Variants in SFXN5 observed in about 807,000 individuals in gnomAD.
SFXN5 encodes sideroflexin-5.
Under a neutral mutation model 50.2 loss-of-function variants are expected in SFXN5, and 43 were observed. The ratio of observed to expected loss-of-function variants is 0.86; its 90% CI spans 0.67 to 1.11. The LOEUF (loss-of-function observed/expected upper bound fraction) is 1.11, where lower values mean the gene tolerates loss of function less well. Among genes scored for constraint, SFXN5 ranks in the 50% least tolerant of loss-of-function variants. The probability of loss-of-function intolerance (pLI) is 0.00; values close to 1 mark genes in which losing one functional copy is unlikely to be tolerated. For missense variants in SFXN5, 463 were observed against 454.1 expected (o/e 1.02, Z -0.18); for synonymous variants, 203 against 185.8 (o/e 1.09, Z -0.75).
In SFXN5 at chr2:72,961,534, C is replaced by T. The variant is rs907895124; in HGVS notation, c.828-286G>A. On this transcript the variant is annotated intron_variant, in intron 12 of 13. Transcript: ENST00000272433. The surrounding 1 kb of genome is among the most constrained non-coding windows in gnomAD (Gnocchi z 4.4). ...AATGAGTACTTTCGGGGCACCCACC[C>T]GCCACGCGTCCAGCCCCGTGCCAAG... is the stretch of plus-strand genomic sequence containing the variant. 1.3e-5 allele frequency among the ~76,000 whole-genome samples: 2 copies of T among 152,194 alleles called. No homozygotes were observed. The highest frequency in any genetic ancestry group is 4.8e-5 in the African/African-American group (2 of 41,452).
At chr2:73,048,483 T>G (rs1680802365) in intron 2 of SFXN5, among the ~76,000 whole-genome samples, 1 of 152,210 alleles carries the variant, frequency 6.6e-6, no homozygotes, top group African/African-American at 2.4e-5. Context: ...TCCAAAGTAT[T>G]GGGATTATAG....
intron 10 of SFXN5, among the ~76,000 whole-genome samples, chr2:72,977,840 G>A (rs1161404574): frequency 6.6e-6 from 1 of 151,964 alleles, no homozygotes; most frequent in East Asian, 1.9e-4. Flanking sequence ...CGGGCATGGT[G>A]GCACACGCCT....
intron 10 of SFXN5, among the ~76,000 whole-genome samples, chr2:72,982,228 G>T (rs1410621234): frequency 6.6e-6 from 1 of 151,844 alleles, no homozygotes; most frequent in Non-Finnish European, 1.5e-5. Flanking sequence ...GGCCTGGAAG[G>T]GTTGGATAAT....
chr2:73,010,863 T>C (rs1364882156), intron 6 of SFXN5, among the ~76,000 whole-genome samples: 1 of 152,104 alleles, frequency 6.6e-6, no homozygotes, highest in Non-Finnish European at 1.5e-5. Flanking sequence ...TGAAAACATA[T>C]CAGATATAGC....
chr2:72,994,827 G>T (rs1471957625), intron 9 of SFXN5: 1 of 152,444 alleles, frequency 6.6e-6, no homozygotes. Flanking sequence ...CTCCACTCAC[G>T]ATCACCATCA....
chr2:73,045,777 T>C (rs1439340350), intron 2 of SFXN5, among the ~76,000 whole-genome samples: 1 of 152,104 alleles, frequency 6.6e-6, no homozygotes, highest in Non-Finnish European at 1.5e-5. Flanking sequence ...GCCTTTCTCT[T>C]GTCTTCCCTC....
intron 10 of SFXN5, among the ~76,000 whole-genome samples, chr2:72,985,058 C>A (rs1671737838): frequency 6.6e-6 from 1 of 152,146 alleles, no homozygotes; most frequent in African/African-American, 2.4e-5. Context: ...GGACCCCCAT[C>A]ACCCTGAAGA....
intron 2 of SFXN5, among the ~76,000 whole-genome samples, chr2:73,052,459 CTGTATT>C (rs1245740690): frequency 6.6e-6 from 1 of 151,918 alleles, no homozygotes; most frequent in Non-Finnish European, 1.5e-5. Flanking sequence ...TTCCCCTACT[CTGTATT>C]TGTATCTCTC....
rs1226789605 is a variant in SFXN5 at position 72,961,453 on chromosome 2, CT to C, written c.828-206del. Reference sequence around the variant, plus strand: ...CCCCTATCCCAGCGGGTATAGACCCCTATCCCAATGTCTTGAAGGACGTTGC... The same window carrying C: ...CCCCTATCCCAGCGGGTATAGACCCCATCCCAATGTCTTGAAGGACGTTGC... On this transcript the variant is annotated intron_variant, in intron 12 of 13. Transcript: ENST00000272433. The surrounding 1 kb of genome is among the most constrained non-coding windows in gnomAD (Gnocchi z 4.4). Among the ~76,000 whole-genome samples the C allele has an allele frequency of 1.3e-5, 2 of 152,342 alleles. No homozygotes were observed. Among genetic ancestry groups the C allele is most frequent in the African/African-American group, 4.8e-5 (2 of 41,584 alleles).
At chr2:73,055,923 T>C (rs1030022239) in intron 2 of SFXN5, among the ~76,000 whole-genome samples, 4 of 152,188 alleles carry the variant, frequency 2.6e-5, no homozygotes, top group Admixed American at 6.5e-5. Context: ...GTGAATGTCT[T>C]GAGGCCAGGA....
At chr2:73,044,005 G>A (rs1188201626) in intron 2 of SFXN5, among the ~76,000 whole-genome samples, 1 of 152,150 alleles carries the variant, frequency 6.6e-6, no homozygotes, top group Non-Finnish European at 1.5e-5. Context: ...TCCTAGTGAT[G>A]CAGCGAGGCC....
intron 6 of SFXN5, among the ~76,000 whole-genome samples, chr2:73,015,608 C>G (rs2105794004): frequency 6.6e-6 from 1 of 152,264 alleles, no homozygotes; most frequent in South Asian, 2.1e-4. Context: ...GCATGAACCA[C>G]TATGCCTGGC....
intron 2 of SFXN5, among the ~76,000 whole-genome samples, chr2:73,048,815 T>G (rs1246185992): frequency 6.6e-6 from 1 of 152,232 alleles, no homozygotes; most frequent in Admixed American, 6.5e-5. Context: ...GATAAATTTC[T>G]GGAAGTGAGA....
At chr2:72,968,411 C>T in intron 12 of SFXN5, 37 bp downstream of exon 12, 1 of 1,593,098 alleles carries the variant, frequency 6.3e-7, no homozygotes, top group South Asian at 1.1e-5. Context: ...CCCTCCTCCC[C>T]CATGGTGGCC....
chr2:72,994,242 G>A (rs980809105), intron 9 of SFXN5, among the ~76,000 whole-genome samples: 2 of 152,206 alleles, frequency 1.3e-5, no homozygotes, highest in Non-Finnish European at 2.9e-5. Context: ...CTGGCGTGCT[G>A]TAGGCACTCC....
intron 1 of SFXN5, among the ~76,000 whole-genome samples, chr2:73,060,620 T>C (rs1291608434): frequency 1.3e-5 from 2 of 151,820 alleles, no homozygotes; most frequent in Non-Finnish European, 2.9e-5. Context: ...ATATGGACCA[T>C]AGGTTAATAA....
chr2:72,984,315 CAT>C (rs1481918571), intron 10 of SFXN5, among the ~76,000 whole-genome samples: 2 of 152,262 alleles, frequency 1.3e-5, no homozygotes, highest in East Asian at 3.9e-4. Context: ...ATACTCAGCA[CAT>C]GTGCCTGCAC....
intron 3 of SFXN5, among the ~76,000 whole-genome samples, chr2:73,029,298 A>C (rs1677996937): frequency 6.6e-6 from 1 of 152,254 alleles, no homozygotes; most frequent in African/African-American, 2.4e-5. Context: ...CCTGGGCGTT[A>C]CTTGTACTAA....
intron 1 of SFXN5, among the ~76,000 whole-genome samples, chr2:73,060,977 A>C (rs541417470): frequency 6.6e-6 from 1 of 150,408 alleles, no homozygotes; most frequent in Non-Finnish European, 1.5e-5. Context: ...CTGGGATTAC[A>C]GGCGTGAGCC....
Sources: gnomAD v4.1 joint callset for allele counts (sites outside exome capture counted in the v4.1 genomes callset) on GRCh38, gnomAD v4.1.1 for gene constraint, Gnocchi (gnomAD v3.1) non-coding constraint, MANE v1.5 for transcripts, NCBI Gene and HGNC (gene_info 2026-07-23, HGNC 2026-07-21) for gene names.